MAK: variants seen among roughly 807,000 people sequenced by gnomAD.
MAK encodes the protein male germ cell associated kinase.
MAK carries 65 observed loss-of-function variants against 82.6 expected under a neutral mutation model. The ratio of observed to expected loss-of-function variants is 0.79; its 90% CI spans 0.64 to 0.97. The LOEUF (loss-of-function observed/expected upper bound fraction) is 0.97. Ranked by LOEUF, MAK falls within the 50% of genes least tolerant of loss-of-function variation. MAK has a pLI of 0.00. For missense variants in MAK, 703 were observed against 780.2 expected (o/e 0.90, Z 1.18); for synonymous variants, 250 against 274.2 (o/e 0.91, Z 0.87).
chr6:10,768,720 T>C (rs1223857360), intron 14 of MAK, among the ~76,000 whole-genome samples: 2 of 152,246 alleles, frequency 1.3e-5, no homozygotes, highest in Non-Finnish European at 1.5e-5. Context: ...AAGCAATTCT[T>C]TTCACAGATA....
chr6:10,834,342 T>C (rs1554188902), intron 1 of MAK, among the ~76,000 whole-genome samples: 2 of 152,200 alleles, frequency 1.3e-5, no homozygotes, highest in Admixed American at 1.3e-4. Flanking sequence ...AAATGACCTG[T>C]CTAGGATCAA....
intron 2 of MAK, among the ~76,000 whole-genome samples, chr6:10,830,159 G>A (rs953657553): frequency 1.8e-4 from 27 of 146,856 alleles, no homozygotes; most frequent in Admixed American, 1.1e-3. Flanking sequence ...GTGTGTGTGC[G>A]TGTGCACGTA....
chr6:10,803,612 CAG>C, intron 7 of MAK, 106 bp downstream of exon 7: 1 of 856,976 alleles, frequency 1.2e-6, no homozygotes, highest in South Asian at 1.5e-5. Flanking sequence ...ATGAAAATAT[CAG>C]ATATCTAGGC....
At chr6:10,808,505 TTTTTC>T (rs1776670044) in intron 6 of MAK, among the ~76,000 whole-genome samples, 1 of 152,188 alleles carries the variant, frequency 6.6e-6, no homozygotes, top group African/African-American at 2.4e-5. Context: ...AAGGCAGAGA[TTTTTC>T]TTTTCTTTTT....
intron 6 of MAK, among the ~76,000 whole-genome samples, chr6:10,806,886 G>A (rs1251688864): frequency 2.6e-5 from 4 of 152,108 alleles, no homozygotes; most frequent in African/African-American, 9.7e-5. Flanking sequence ...CTGCAGAACT[G>A]GAAGCCAAAT....
chr6:10,795,969 C>A, intron 9 of MAK, 29 bp downstream of exon 9: 1 of 1,605,900 alleles, frequency 6.2e-7, no homozygotes, highest in Non-Finnish European at 8.5e-7. Context: ...CAAACTATTT[C>A]ATTGCAAGTG....
At position 10,815,944 on chromosome 6, in the gene MAK, AT is replaced by A. The variant is rs1561992030; in HGVS notation, c.278+1905del. Reference sequence around the variant, plus strand: ...TATATATATATATATATATATATATATATGTATGTTTTCTTTTTTGTTTGAG... The same window carrying A: ...TATATATATATATATATATATATATAATGTATGTTTTCTTTTTTGTTTGAG... On this transcript the variant is annotated intron_variant, in intron 4 of 14. Transcript: ENST00000354489. 7.7e-5 allele frequency among the ~76,000 whole-genome samples: 8 copies of A among 104,264 alleles called. 1 individual carries two copies. The highest frequency in any genetic ancestry group is 2.7e-4 in the African/African-American group (8 of 29,708). 68.4% of individuals were successfully genotyped at this position (104,264 alleles called of 152,430 possible).
In MAK at chr6:10,800,324, AT is replaced by A. The variant is rs1775919445; in HGVS notation, c.831+1567del. Among the ~76,000 whole-genome samples the A allele has an allele frequency of 3.3e-5, 5 of 151,970 alleles. No homozygotes were observed. The highest frequency in any genetic ancestry group is 6.6e-5 in the Admixed American group (1 of 15,264). ...TTTCTTGTGTTTCTGTAGGAGTATT[AT>A]ATTAAGAATTAAAAATAATTTTCTC... is the stretch of plus-strand genomic sequence containing the variant. On this transcript the variant is annotated intron_variant, in intron 8 of 14. Transcript: ENST00000354489. This position sits in a 1 kb window ranked among gnomAD's most constrained non-coding sequence, Gnocchi z 4.2.
In MAK at chr6:10,813,122, ATATATATATATAAAT is replaced by A. The variant is rs1777141510; in HGVS notation, c.358+507_358+521del. On this transcript the variant is annotated intron_variant, in intron 5 of 14. Transcript: ENST00000354489. ...TATATATATATATATATATATATAT[ATATATATATATAAAT>A]TTTTTTTTTTTTTTTTTTTTTTTTT... 8.6e-3 allele frequency among the ~76,000 whole-genome samples: 14 copies of A among 1,620 alleles called. 4 individuals are homozygous for A. The highest frequency in any genetic ancestry group is 7.8e-3 in the Non-Finnish European group (8 of 1,020). The allele number at this position is 1,620 out of a possible 152,430, so 1.1% of individuals were successfully genotyped here. A position where few individuals can be genotyped will look rare whatever the true frequency, so the allele number is the denominator to read the frequency against.
chr6:10,772,925 A>G (rs759007711), intron 13 of MAK, 109 bp downstream of exon 13: 3 of 715,222 alleles, frequency 4.2e-6, no homozygotes, highest in Non-Finnish European at 7.3e-6. Flanking sequence ...TGACTTCTCA[A>G]AGCGGATCAT....
Position 10,813,688 on chromosome 6 carries a change from A to G in MAK, c.314T>C (p.Ile105Thr). The change falls in exon 5 of 15, where the codon ATT becomes ACT. Residue 105 changes from isoleucine (I) to threonine (T), a missense_variant. Transcript: ENST00000354489. ...CAGCCCTTGCAATATTTGATACATA[A>G]TATTTCTGATGACTGATTCAGGGAA... The part of the protein sequence containing the change: ...KLFPESVIRN[I>T]MYQILQGLAF... 6.2e-7 allele frequency: 1 copy of G among 1,606,494 alleles called. No homozygotes were observed. The highest frequency in any genetic ancestry group is 8.5e-7 in the Non-Finnish European group (1 of 1,173,176).
chr6:10,789,216 G>A (rs1417631599), intron 10 of MAK, among the ~76,000 whole-genome samples: 4 of 150,766 alleles, frequency 2.7e-5, no homozygotes, highest in Non-Finnish European at 4.4e-5. Flanking sequence ...GAGATTCCTC[G>A]TGCCCCAAAG....
At chr6:10,837,516 C>G (rs988285400) in intron 1 of MAK, among the ~76,000 whole-genome samples, 1 of 152,210 alleles carries the variant, frequency 6.6e-6, no homozygotes, top group African/African-American at 2.4e-5. Flanking sequence ...GGAGGCGGGG[C>G]CCGATCGAAA....
At position 10,791,741 on chromosome 6, in the gene MAK, G is replaced by T; in HGVS notation, c.1250C>A (p.Ala417Asp). Reference sequence around the variant, plus strand: ...CATGCTTGGCTTCTTGGAATGGGAGGCTCCGAAATCATAGTCCTCCAACTC... The same window carrying T: ...CATGCTTGGCTTCTTGGAATGGGAGTCTCCGAAATCATAGTCCTCCAACTC... ...WEELEDYDFG[A>D]SHSKKPSMGV... The change falls in exon 10 of 15, where the codon GCC becomes GAC. Residue 417 changes from alanine (A) to aspartate (D), a missense_variant. Coordinates refer to ENST00000354489, the MANE Select transcript of MAK (RefSeq NM_001242957.3). The T allele has an allele frequency of 6.2e-7, 1 of 1,613,890 alleles. No homozygotes were observed. Among genetic ancestry groups the T allele is most frequent in the Non-Finnish European group, 8.5e-7 (1 of 1,179,918 alleles).
intron 13 of MAK, 134 bp from the exon 14 acceptor site, chr6:10,770,364 T>C (rs1772891640): frequency 2.1e-6 from 2 of 948,286 alleles, no homozygotes; most frequent in African/African-American, 3.2e-5. Flanking sequence ...TGAGCTGCAC[T>C]TGTTACAGAT....
At chr6:10,819,114 G>A (rs1032472840) in intron 2 of MAK, among the ~76,000 whole-genome samples, 174 bp from the exon 3 acceptor site, 2 of 152,114 alleles carry the variant, frequency 1.3e-5, no homozygotes, top group South Asian at 4.1e-4. Flanking sequence ...GTAGGCCTAC[G>A]TCACATCCAA....
Position 10,801,976 on chromosome 6 carries a change from A to G in MAK, c.747T>C (p.Leu249=), listed in dbSNP as rs1331070107. ...PQCVPINLKT[L]IPNASNEAIQ... is the part of the protein sequence containing the mutation. ...TAGCTTCATTACTGGCATTGGGAATAAGAGTTTTTAAGTTTATAGGAACAC... is the reference window on the plus strand; with the variant it reads ...TAGCTTCATTACTGGCATTGGGAATGAGAGTTTTTAAGTTTATAGGAACAC... Residue 249 remains leucine, a synonymous_variant, in exon 8 of 15, where the codon CTT becomes CTC. Transcript: ENST00000354489. 6.2e-7 allele frequency: 1 copy of G among 1,614,046 alleles called. No homozygotes were observed. Among genetic ancestry groups the G allele is most frequent in the Non-Finnish European group, 8.5e-7 (1 of 1,180,020 alleles).
chr6:10,826,883 T>C (rs867215764), intron 2 of MAK, among the ~76,000 whole-genome samples: 5 of 152,216 alleles, frequency 3.3e-5, no homozygotes, highest in Middle Eastern at 3.4e-3. Context: ...AGGCTGAGAC[T>C]GGTGGATCAC....
At chr6:10,830,467 C>G in intron 2 of MAK, 81 bp downstream of exon 2, 1 of 1,186,802 alleles carries the variant, frequency 8.4e-7, no homozygotes, top group East Asian at 2.3e-5. Flanking sequence ...CTGGCCTGTG[C>G]TGGTATATAT....
Sources: gnomAD v4.1 joint callset for allele counts (sites outside exome capture counted in the v4.1 genomes callset) on GRCh38, gnomAD v4.1.1 for gene constraint, Gnocchi (gnomAD v3.1) non-coding constraint, MANE v1.5 for transcripts, NCBI Gene and HGNC (gene_info 2026-07-23, HGNC 2026-07-21) for gene names.